The following ZFP30 variants were observed in gnomAD, a reference collection of about 807,000 sequenced individuals.
ZFP30 encodes ZFP30 zinc finger protein, also known as zinc finger protein 30 homolog.
Under a neutral mutation model 12.3 loss-of-function variants are expected in ZFP30, and 16 were observed. The observed-to-expected ratio is 1.30, with a 90% CI of 0.88 to 1.98. The LOEUF (loss-of-function observed/expected upper bound fraction) is 1.98, where lower values mean the gene tolerates loss of function less well. Ranked by LOEUF, ZFP30 falls within the 30% of genes most tolerant of loss-of-function variation. The pLI is 0.00. For synonymous variants in ZFP30, 172 were observed against 201.0 expected, an observed-to-expected ratio of 0.86 and a Z score of 1.22; for missense variants, 560 against 611.2, an observed-to-expected ratio of 0.92 and a Z score of 0.88.
In ZFP30 at chr19:37,632,017, CAAT is replaced by C. The variant is rs1432589282; in HGVS notation, c.*2961_*2963del. 1 of 151,696 alleles carries C rather than the reference CAAT, an allele frequency of 6.6e-6. No individual in the cohort carries two copies. The highest frequency in any genetic ancestry group is 1.5e-5 in the Non-Finnish European group (1 of 67,936). The allele number at this position is 151,696 out of a possible 1,614,324, so 9.4% of individuals were successfully genotyped here. On this transcript the variant is annotated 3_prime_UTR_variant, in exon 6 of 6. Transcript: ENST00000684514. ...TATGTTGGAAAAATTTAGCAATTAC[CAAT>C]TCTTCAAAGATTTTACTTGTAAAAA...
Position 37,647,870 on chromosome 19 carries a change from C to T in ZFP30, c.-48G>A. On this transcript the variant is annotated 5_prime_UTR_variant, in exon 3 of 6. Coordinates refer to ENST00000684514, the MANE Select transcript of ZFP30 (RefSeq NM_001320669.3). Reference sequence around the variant, plus strand: ...GTCAATTTTCCTCAAGGTTCATGTACTTCAGAAGCAGGGTCCACAGACACC... The same window carrying T: ...GTCAATTTTCCTCAAGGTTCATGTATTTCAGAAGCAGGGTCCACAGACACC... The T allele has an allele frequency of 1.2e-6, 2 of 1,611,568 alleles. No individual in the cohort carries two copies. The highest frequency in any genetic ancestry group is 2.2e-5 in the South Asian group (2 of 91,022).
At chr19:37,642,140 A>G (rs1371078663) in intron 5 of ZFP30, among the ~76,000 whole-genome samples, 1 of 152,224 alleles carries the variant, frequency 6.6e-6, no homozygotes, top group Non-Finnish European at 1.5e-5. Context: ...TGGGTTCCAC[A>G]ATGGTAATAT....
intron 3 of ZFP30, among the ~76,000 whole-genome samples, chr19:37,646,092 C>G (rs1480331474): frequency 3.9e-5 from 6 of 152,108 alleles, no homozygotes; most frequent in African/African-American, 1.4e-4. Context: ...GACGAAATCT[C>G]ACACTAACCA....
intron 5 of ZFP30, among the ~76,000 whole-genome samples, chr19:37,642,256 CT>C (rs2044450598): frequency 6.6e-6 from 1 of 152,116 alleles, no homozygotes; most frequent in African/African-American, 2.4e-5. Context: ...AGGATAAATG[CT>C]TCTTTTCCTT....
At chr19:37,649,443 G>C (rs1334986624) in intron 2 of ZFP30, among the ~76,000 whole-genome samples, 1 of 152,098 alleles carries the variant, frequency 6.6e-6, no homozygotes, top group Non-Finnish European at 1.5e-5. Context: ...GAAATAATAT[G>C]TGGATAGAGT....
At position 37,635,127 on chromosome 19, in the gene ZFP30, C is replaced by CA. The variant is rs1225755475; in HGVS notation, c.1413dup (p.Gly472TrpfsTer5). ...GATGAATGAAGTCTAAAGGCCTTTC[C>CA]ACATTCCTTACAGTCATAGGGCTTT... On this transcript the variant is annotated frameshift_variant, in exon 6 of 6. Transcript: ENST00000684514. LOFTEE classifies it high-confidence loss of function. The CA allele has an allele frequency of 6.2e-7, 1 of 1,613,342 alleles. No homozygotes were observed. The highest frequency in any genetic ancestry group is 1.7e-5 in the Admixed American group (1 of 59,916).
chr19:37,635,138 C>G lies in ZFP30; in HGVS notation c.1403G>C (p.Cys468Ser), dbSNP rs2044293924. The G allele has an allele frequency of 6.2e-7, 1 of 1,612,956 alleles. No individual in the cohort carries two copies. The highest frequency in any genetic ancestry group is 8.5e-7 in the Non-Finnish European group (1 of 1,179,528). ...SIHTGEKPYD[C>S]KECGKAFRLH... is the part of the protein sequence containing the mutation. ...TCTAAAGGCCTTTCCACATTCCTTA[C>G]AGTCATAGGGCTTTTCACCAGTATG... The change falls in exon 6 of 6, where the codon TGT (cysteine) becomes TCT (serine). Residue 468 changes from cysteine to serine, a missense_variant. Physicochemically the swap from Cys to Ser is moderately radical, Grantham distance 112 (BLOSUM62 -1). Transcript: ENST00000684514.
At position 37,634,412 on chromosome 19, in the gene ZFP30, T is replaced by C. The variant is rs2044281687; in HGVS notation, c.*569A>G. ...CGTTGTCAGTCTCATCTATTCACTATAAAGTTCACAACCTTCACTGAATGG... is the reference window on the plus strand; with the variant it reads ...CGTTGTCAGTCTCATCTATTCACTACAAAGTTCACAACCTTCACTGAATGG... On this transcript the variant is annotated 3_prime_UTR_variant, in exon 6 of 6. Coordinates refer to ENST00000684514, the MANE Select transcript of ZFP30 (RefSeq NM_001320669.3). 6.6e-6 allele frequency: 1 copy of C among 152,266 alleles called. No homozygotes were observed. The highest frequency in any genetic ancestry group is 1.5e-5 in the Non-Finnish European group (1 of 68,064). The allele number at this position is 152,266 out of a possible 1,614,324, so 9.4% of individuals were successfully genotyped here.
At position 37,636,049 on chromosome 19, in the gene ZFP30, C is replaced by T; in HGVS notation, c.492G>A (p.Gly164=). 1.2e-6 allele frequency: 2 copies of T among 1,614,128 alleles called. No individual in the cohort carries two copies. Among genetic ancestry groups the T allele is most frequent in the Non-Finnish European group, 1.7e-6 (2 of 1,180,028 alleles). Reference sequence around the variant, plus strand: ...GTTGTTGTCGTACTCTAAAAGCCTTCCCACATTCCCCACATTCGTAGGGTT... The same window carrying T: ...GTTGTTGTCGTACTCTAAAAGCCTTTCCACATTCCCCACATTCGTAGGGTT... ...REKPYECGEC[G]KAFRVRQQLT... Residue 164 remains glycine (G), a synonymous_variant, in exon 6 of 6, where the codon GGG becomes GGA. Transcript: ENST00000684514.
rs1443192748 is a variant in ZFP30 at position 37,631,242 on chromosome 19, G to A, written c.*3739C>T. 1.7e-4 allele frequency: 26 copies of A among 152,148 alleles called. No individual in the cohort carries two copies. The highest frequency in any genetic ancestry group is 1.7e-3 in the Admixed American group (26 of 15,272). 9.4% of individuals were successfully genotyped at this position (152,148 alleles called of 1,614,324 possible). On this transcript the variant is annotated 3_prime_UTR_variant, in exon 6 of 6. Coordinates refer to ENST00000684514, the MANE Select transcript of ZFP30 (RefSeq NM_001320669.3). Reference sequence around the variant, plus strand: ...TCCCATACTCACAAGCATTAAGAGTGAAAGTTACAGGGTAAAAGGTGCTTC... The same window carrying A: ...TCCCATACTCACAAGCATTAAGAGTAAAAGTTACAGGGTAAAAGGTGCTTC...
Position 37,635,899 on chromosome 19 carries a change from A to G in ZFP30, c.642T>C (p.Tyr214=). Reference sequence around the variant, plus strand: ...AGATCTTTCCACATTTTTTACATTCATAGAGTTTGTCAGAAGTATGAATTC... The same window carrying G: ...AGATCTTTCCACATTTTTTACATTCGTAGAGTTTGTCAGAAGTATGAATTC... ...HQRIHTSDKL[Y]ECKKCGKIFT... The change falls in exon 6 of 6, where the codon TAT becomes TAC. Residue 214 remains tyrosine, a synonymous_variant. Coordinates refer to ENST00000684514, the MANE Select transcript of ZFP30 (RefSeq NM_001320669.3). 1 of 1,614,194 alleles carries G rather than the reference A, an allele frequency of 6.2e-7. No homozygotes were observed. The highest frequency in any genetic ancestry group is 8.5e-7 in the Non-Finnish European group (1 of 1,180,016).
At chr19:37,652,941 A>C in intron 2 of ZFP30, among the ~76,000 whole-genome samples, 1 of 151,926 alleles carries the variant, frequency 6.6e-6, no homozygotes, top group Non-Finnish European at 1.5e-5. Flanking sequence ...AACATGGTGA[A>C]ACCCCGTCTC....
intron 1 of ZFP30, 69 bp from the exon 2 acceptor site, chr19:37,654,948 G>A (rs2044722863): frequency 6.6e-6 from 1 of 152,292 alleles, no homozygotes; most frequent in Non-Finnish European, 1.5e-5. Flanking sequence ...CGCAGCTCCG[G>A]GTACGCTGTA....
chr19:37,641,487 A>C (rs553264277), intron 5 of ZFP30, among the ~76,000 whole-genome samples: 1 of 152,318 alleles, frequency 6.6e-6, no homozygotes, highest in South Asian at 2.1e-4. Context: ...CAAAAAGTAG[A>C]CAGAACGGCA....
intron 3 of ZFP30, among the ~76,000 whole-genome samples, chr19:37,647,450 C>T (rs1398493430): frequency 6.6e-6 from 1 of 152,216 alleles, no homozygotes; most frequent in Non-Finnish European, 1.5e-5. Context: ...TTTCCTCTTT[C>T]TCTTGGCATT....
At chr19:37,642,325 C>T (rs535815930) in intron 5 of ZFP30, among the ~76,000 whole-genome samples, 2 of 152,216 alleles carry the variant, frequency 1.3e-5, no homozygotes, top group East Asian at 3.9e-4. Flanking sequence ...GAATAATTTG[C>T]TGTTAGTATC....
At chr19:37,647,981 T>A in intron 2 of ZFP30, 82 bp from the exon 3 acceptor site, 1 of 728,380 alleles carries the variant, frequency 1.4e-6, no homozygotes, top group Non-Finnish European at 2.3e-6. Flanking sequence ...ACTTCTCCAT[T>A]CCTATATGCA....
At chr19:37,649,263 A>G (rs1438687840) in intron 2 of ZFP30, among the ~76,000 whole-genome samples, 1 of 151,042 alleles carries the variant, frequency 6.6e-6, no homozygotes, top group African/African-American at 2.4e-5. Flanking sequence ...AAAAAAAAAA[A>G]AGAACAAAAT....
intron 5 of ZFP30, among the ~76,000 whole-genome samples, chr19:37,637,181 CTTCT>C (rs998223036): frequency 5.3e-5 from 8 of 150,626 alleles, no homozygotes; most frequent in Non-Finnish European, 7.4e-5. Context: ...ATCCCAGTCA[CTTCT>C]TTCTTTTTTC....
Sources: allele counts gnomAD v4.1 joint callset (sites outside exome capture counted in the v4.1 genomes callset), GRCh38; gene constraint gnomAD v4.1.1; transcripts MANE v1.5; gene names NCBI Gene and HGNC (gene_info 2026-07-23, HGNC 2026-07-21).